ST6GALNAC3: variants seen among roughly 807,000 people sequenced by gnomAD.
ST6GALNAC3 encodes the protein ST6 N-acetylgalactosaminide alpha-2,6-sialyltransferase 3, also known as alpha-N-acetylgalactosaminide alpha-2,6-sialyltransferase 3.
Under a neutral mutation model 32.7 loss-of-function variants are expected in ST6GALNAC3, and 25 were observed. The observed-to-expected ratio is 0.76, with a 90% CI of 0.56 to 1.07. The LOEUF is 1.07. ST6GALNAC3 is among the 50% of genes least tolerant of loss of function. The probability of loss-of-function intolerance (pLI) is 0.00; values close to 1 mark genes in which losing one functional copy is unlikely to be tolerated. For synonymous variants in ST6GALNAC3, 129 were observed against 133.1 expected, an observed-to-expected ratio of 0.97 and a Z score of 0.21; for missense variants, 355 against 382.4, an observed-to-expected ratio of 0.93 and a Z score of 0.60.
intron 3 of ST6GALNAC3, among the ~76,000 whole-genome samples, chr1:76,627,051 CTAT>C (rs1423125634): frequency 6.6e-6 from 1 of 151,940 alleles, no homozygotes; most frequent in Non-Finnish European, 1.5e-5. Flanking sequence ...CAAGATAGCA[CTAT>C]TATCATTCAG....
At chr1:76,503,779 AG>A (rs1426949097) in intron 3 of ST6GALNAC3, among the ~76,000 whole-genome samples, 2 of 152,298 alleles carry the variant, frequency 1.3e-5, no homozygotes, top group East Asian at 3.9e-4. Flanking sequence ...TAATCTGGAA[AG>A]TCTTTACAAA....
intron 1 of ST6GALNAC3, among the ~76,000 whole-genome samples, chr1:76,297,587 TCAC>T (rs762168640): frequency 2.0e-5 from 3 of 152,088 alleles, no homozygotes; most frequent in Non-Finnish European, 2.9e-5. Context: ...AATCTTGACA[TCAC>T]CAGTTACTAG....
intron 1 of ST6GALNAC3, among the ~76,000 whole-genome samples, chr1:76,228,575 G>A (rs1471429076): frequency 6.6e-6 from 1 of 152,108 alleles, no homozygotes; most frequent in Non-Finnish European, 1.5e-5. Flanking sequence ...AACCACAGCA[G>A]CACATTTTAA....
chr1:76,192,617 G>C (rs950808967), intron 1 of ST6GALNAC3, among the ~76,000 whole-genome samples: 1 of 152,166 alleles, frequency 6.6e-6, no homozygotes, highest in African/African-American at 2.4e-5. Flanking sequence ...GTTTTGGTAA[G>C]AAGATGTTTT....
chr1:76,187,802 C>A (rs1653652319), intron 1 of ST6GALNAC3, among the ~76,000 whole-genome samples: 1 of 152,162 alleles, frequency 6.6e-6, no homozygotes, highest in Non-Finnish European at 1.5e-5. Flanking sequence ...AGCCCTGTGT[C>A]TACAGATACC....
At chr1:76,354,248 T>C (rs1027665154) in intron 2 of ST6GALNAC3, 9 of 152,220 alleles carry the variant, frequency 5.9e-5, no homozygotes, top group African/African-American at 2.2e-4. Context: ...AGCTCCAGGC[T>C]GGGCCCTGTG....
intron 1 of ST6GALNAC3, among the ~76,000 whole-genome samples, chr1:76,250,895 T>A (rs1657571229): frequency 1.3e-5 from 2 of 152,212 alleles, no homozygotes; most frequent in African/African-American, 2.4e-5. Flanking sequence ...ACCACTCTAC[T>A]TAAATTGTTC....
intron 3 of ST6GALNAC3, among the ~76,000 whole-genome samples, chr1:76,474,244 G>A (rs917042120): frequency 1.3e-5 from 2 of 152,096 alleles, no homozygotes; most frequent in African/African-American, 2.4e-5. Flanking sequence ...GCTGCAATAG[G>A]GCATGAAAAG....
rs558015778 is a variant in ST6GALNAC3 at position 76,179,832 on chromosome 1, C to T, written c.18+104948C>T. On this transcript the variant is annotated intron_variant, in intron 1 of 4. Transcript: ENST00000328299. ...TGCCTCTGGGCCCCTCCCTCATTTC[C>T]TCTGGCTGAAAGATGTTTTTGTAAG... 9.8e-5 allele frequency among the ~76,000 whole-genome samples: 15 copies of T among 152,316 alleles called. No homozygotes were observed. In the East Asian group the frequency reaches 1.9e-3, roughly 20 times the overall value.
chr1:76,608,425 C>G (rs1647702206), intron 3 of ST6GALNAC3, among the ~76,000 whole-genome samples: 1 of 152,106 alleles, frequency 6.6e-6, no homozygotes, highest in South Asian at 2.1e-4. Flanking sequence ...TTAAAAATCT[C>G]TACTATGTTG....
intron 3 of ST6GALNAC3, among the ~76,000 whole-genome samples, chr1:76,600,802 A>G (rs1260198121): frequency 6.6e-6 from 1 of 152,228 alleles, no homozygotes; most frequent in Non-Finnish European, 1.5e-5. Context: ...GAAGCCATTT[A>G]TCTAATGTAT....
rs1649265652 is a variant in ST6GALNAC3 at position 76,630,913 on chromosome 1, T to G, written c.*2107T>G. The G allele has an allele frequency of 1.0e-6, 1 of 985,484 alleles. No homozygotes were observed. The highest frequency in any genetic ancestry group is 6.2e-5 in the Admixed American group (1 of 16,216). The allele number at this position is 985,484 out of a possible 1,614,324, so 61.0% of individuals were successfully genotyped here. On this transcript the variant is annotated 3_prime_UTR_variant, in exon 5 of 5. Coordinates refer to ENST00000328299, the MANE Select transcript of ST6GALNAC3 (RefSeq NM_152996.4). ...TACAGACTGTTTTTCCCCCTGTTGTTTCACTTTAAAATAAAAAGAAATCCT... is the reference window on the plus strand; with the variant it reads ...TACAGACTGTTTTTCCCCCTGTTGTGTCACTTTAAAATAAAAAGAAATCCT...
chr1:76,260,203 A>T (rs1220987626), intron 1 of ST6GALNAC3, among the ~76,000 whole-genome samples: 1 of 152,104 alleles, frequency 6.6e-6, no homozygotes, highest in East Asian at 1.9e-4. Context: ...GGCAGAGAGC[A>T]CTATGTGGCT....
intron 2 of ST6GALNAC3, among the ~76,000 whole-genome samples, chr1:76,341,706 C>CTTCT (rs1441653939): frequency 3.2e-5 from 2 of 63,434 alleles, no homozygotes; most frequent in Non-Finnish European, 6.4e-5. Flanking sequence ...TCTTTCTTTC[C>CTTCT]TTCTTTCTTT....
intron 1 of ST6GALNAC3, among the ~76,000 whole-genome samples, chr1:76,144,672 A>G (rs985919167): frequency 6.6e-6 from 1 of 152,096 alleles, no homozygotes; most frequent in African/African-American, 2.4e-5. Flanking sequence ...AATAAATACA[A>G]TACTCTCCCC....
At chr1:76,337,101 G>A (rs1433350090) in intron 2 of ST6GALNAC3, among the ~76,000 whole-genome samples, 1 of 152,178 alleles carries the variant, frequency 6.6e-6, no homozygotes, top group African/African-American at 2.4e-5. Flanking sequence ...GGGTCCCTTA[G>A]GCACAGAGGC....
intron 2 of ST6GALNAC3, 119 bp downstream of exon 2, chr1:76,314,118 G>C: frequency 1.1e-6 from 1 of 891,002 alleles, no homozygotes; most frequent in Non-Finnish European, 1.6e-6. Context: ...GAGCTTGCTT[G>C]GGTCCCTGAC....
intron 2 of ST6GALNAC3, among the ~76,000 whole-genome samples, chr1:76,316,084 A>G (rs1469137925): frequency 6.6e-6 from 1 of 152,164 alleles, no homozygotes; most frequent in African/African-American, 2.4e-5. Flanking sequence ...ATACTAATAT[A>G]CATGAAACGC....
chr1:76,522,773 G>T (rs991937616), intron 3 of ST6GALNAC3, among the ~76,000 whole-genome samples: 1 of 152,162 alleles, frequency 6.6e-6, no homozygotes, highest in Non-Finnish European at 1.5e-5. Context: ...GAATTAAAGC[G>T]GTGATCAGAT....
Sources: allele counts gnomAD v4.1 joint callset (sites outside exome capture counted in the v4.1 genomes callset), GRCh38; gene constraint gnomAD v4.1.1; transcripts MANE v1.5; gene names NCBI Gene and HGNC (gene_info 2026-07-23, HGNC 2026-07-21).